Variants in CDC42BPA observed in about 807,000 individuals in gnomAD.
CDC42BPA encodes the protein serine/threonine-protein kinase MRCK alpha.
In CDC42BPA, 80 loss-of-function variants were observed where a neutral mutation model predicts 223.5. That is an observed-to-expected ratio of 0.36 (90% CI 0.30 to 0.43). The LOEUF is 0.43. Among genes scored for constraint, CDC42BPA ranks in the 20% least tolerant of loss-of-function variants. The probability of loss-of-function intolerance (pLI) is 1.00; values close to 1 mark genes in which losing one functional copy is unlikely to be tolerated. For missense variants in CDC42BPA, 1,743 were observed against 2,099.9 expected (o/e 0.83, Z 3.32); for synonymous variants, 694 against 718.6 (o/e 0.97, Z 0.55).
chr1:227,191,742 A>G (rs1392304731), intron 5 of CDC42BPA, among the ~76,000 whole-genome samples: 2 of 152,168 alleles, frequency 1.3e-5, no homozygotes, highest in Admixed American at 1.3e-4. Flanking sequence ...CTCAGCTAGG[A>G]TTTTGGATTA....
intron 30 of CDC42BPA, among the ~76,000 whole-genome samples, chr1:227,027,485 G>A (rs752545779): frequency 2.6e-4 from 40 of 152,026 alleles, no homozygotes; most frequent in Non-Finnish European, 4.9e-4. Context: ...CCTTCTTGGC[G>A]GTCTTACTCT....
intron 7 of CDC42BPA, among the ~76,000 whole-genome samples, chr1:227,146,415 T>C (rs1273526604): frequency 6.6e-6 from 1 of 152,142 alleles, no homozygotes; most frequent in African/African-American, 2.4e-5. Context: ...TTTATAACTA[T>C]ATGAAACATT....
At chr1:227,042,314 A>ATATATATATATATATC (rs1671543290) in intron 23 of CDC42BPA, among the ~76,000 whole-genome samples, 2 of 143,396 alleles carry the variant, frequency 1.4e-5, no homozygotes, top group African/African-American at 5.2e-5. Context: ...ATATATATAT[A>ATATATATATATATATC]TCATACACTT....
chr1:227,191,814 A>C (rs769245437), intron 5 of CDC42BPA, among the ~76,000 whole-genome samples: 12 of 152,124 alleles, frequency 7.9e-5, no homozygotes, highest in Admixed American at 5.9e-4. Context: ...TGAGACCACA[A>C]TACCATCTTT....
intron 2 of CDC42BPA, among the ~76,000 whole-genome samples, chr1:227,221,226 G>A (rs1278490117): frequency 6.6e-6 from 1 of 151,954 alleles, no homozygotes; most frequent in Non-Finnish European, 1.5e-5. Context: ...GTTAAATATT[G>A]TTCCCCAAGG....
intron 1 of CDC42BPA, among the ~76,000 whole-genome samples, chr1:227,272,450 T>A (rs1686114324): frequency 6.6e-6 from 1 of 152,110 alleles, no homozygotes; most frequent in South Asian, 2.1e-4. Flanking sequence ...ATACTCTAAG[T>A]TAAAAAGAAA....
At chr1:227,194,033 G>T in intron 4 of CDC42BPA, 99 bp from the exon 5 acceptor site, 1 of 690,150 alleles carries the variant, frequency 1.4e-6, no homozygotes, top group Non-Finnish European at 2.3e-6. Flanking sequence ...AAATATTTAT[G>T]CAGTTAATTA....
intron 1 of CDC42BPA, among the ~76,000 whole-genome samples, chr1:227,267,922 CAA>C (rs1379824711): frequency 5.3e-5 from 8 of 152,064 alleles, no homozygotes; most frequent in African/African-American, 1.9e-4. Flanking sequence ...TATCACCAGA[CAA>C]AAGACATGGG....
intron 3 of CDC42BPA, among the ~76,000 whole-genome samples, chr1:227,205,442 G>A (rs1469228516): frequency 6.6e-6 from 1 of 151,652 alleles, no homozygotes; most frequent in African/African-American, 2.4e-5. Context: ...AATCAGCCTT[G>A]TAATATGATT....
At chr1:227,083,427 C>T (rs944140625) in intron 16 of CDC42BPA, among the ~76,000 whole-genome samples, 2 of 152,108 alleles carry the variant, frequency 1.3e-5, no homozygotes, top group Non-Finnish European at 2.9e-5. Context: ...TTGCTGAAAT[C>T]CTTCATATGT....
At chr1:227,116,398 G>T (rs1687781982) in intron 12 of CDC42BPA, among the ~76,000 whole-genome samples, 2 of 152,140 alleles carry the variant, frequency 1.3e-5, no homozygotes, top group South Asian at 2.1e-4. Flanking sequence ...AATAGGAATA[G>T]AAGGTAACTT....
In CDC42BPA at chr1:227,294,721, G is replaced by A. The variant is rs1007758720; in HGVS notation, c.178+22284C>T. On this transcript the variant is annotated intron_variant, in intron 1 of 36. Transcript: ENST00000366766. Reference sequence around the variant, plus strand: ...TAAAAATACAAAAAATTAGCCGGGCGTGGTAGCGGGCGCCTGTAGTCCCAG... The same window carrying A: ...TAAAAATACAAAAAATTAGCCGGGCATGGTAGCGGGCGCCTGTAGTCCCAG... 3.4e-5 allele frequency among the ~76,000 whole-genome samples: 4 copies of A among 118,392 alleles called. 1 individual carries two copies. Among genetic ancestry groups the A allele is most frequent in the African/African-American group, 1.3e-4 (4 of 30,082 alleles). The allele number at this position is 118,392 out of a possible 152,430, so 77.7% of individuals were successfully genotyped here.
In CDC42BPA at chr1:227,271,382, T is replaced by C. The variant is rs1028158181; in HGVS notation, c.179-17227A>G. Reference sequence around the variant, plus strand: ...CACAGTAGAGGGATATGTTAAACACTGGGCAAAAATATTAATCCACTTGGC... The same window carrying C: ...CACAGTAGAGGGATATGTTAAACACCGGGCAAAAATATTAATCCACTTGGC... On this transcript the variant is annotated intron_variant, in intron 1 of 36. Transcript: ENST00000366766. 2.6e-5 allele frequency among the ~76,000 whole-genome samples: 4 copies of C among 152,258 alleles called. No homozygotes were observed. The East Asian group carries it at 5.8e-4, about 22-fold the overall frequency.
At chr1:227,004,972 T>G in intron 35 of CDC42BPA, 22 bp downstream of exon 35, 1 of 1,551,440 alleles carries the variant, frequency 6.4e-7, no homozygotes. Context: ...CAGAGGCACC[T>G]TCCTGTAGCC....
chr1:227,190,987 A>T (rs1037227745), intron 5 of CDC42BPA, among the ~76,000 whole-genome samples: 3 of 152,206 alleles, frequency 2.0e-5, no homozygotes, highest in Non-Finnish European at 4.4e-5. Flanking sequence ...AAGCATGATA[A>T]CTAGAAGAGA....
chr1:227,000,700 A>G (rs1028052250), intron 35 of CDC42BPA, among the ~76,000 whole-genome samples: 14 of 152,194 alleles, frequency 9.2e-5, no homozygotes, highest in African/African-American at 3.1e-4. Flanking sequence ...GATCATTTAT[A>G]GAGCAGATAA....
intron 6 of CDC42BPA, among the ~76,000 whole-genome samples, chr1:227,158,008 A>G (rs1663136643): frequency 6.8e-6 from 1 of 146,826 alleles, no homozygotes; most frequent in South Asian, 2.1e-4. Flanking sequence ...CCCAGGCTGG[A>G]GTGCAATGAC....
chr1:227,218,237 A>C (rs1319640701), intron 2 of CDC42BPA, among the ~76,000 whole-genome samples: 2 of 150,152 alleles, frequency 1.3e-5, no homozygotes, highest in Non-Finnish European at 1.5e-5. Flanking sequence ...TGATTTATTA[A>C]ACATCTATCA....
At chr1:227,059,352 T>G (rs1558399662) in intron 21 of CDC42BPA, 2 of 1,557,336 alleles carry the variant, frequency 1.3e-6, no homozygotes, top group Non-Finnish European at 1.7e-6. Context: ...GATGGGTACA[T>G]AAAGTGCAAA....
Sources: gnomAD v4.1 joint callset for allele counts (sites outside exome capture counted in the v4.1 genomes callset) on GRCh38, gnomAD v4.1.1 for gene constraint, MANE v1.5 for transcripts, NCBI Gene and HGNC (gene_info 2026-07-23, HGNC 2026-07-21) for gene names.